FOXRED1: variants seen among roughly 807,000 people sequenced by gnomAD.
FOXRED1 encodes the protein FAD dependent oxidoreductase domain containing 1.
FOXRED1 carries 52 observed loss-of-function variants against 57.8 expected under a neutral mutation model. That is an observed-to-expected ratio of 0.90 (90% CI 0.72 to 1.13). The LOEUF (loss-of-function observed/expected upper bound fraction) is 1.13. Ranked by LOEUF, FOXRED1 falls within the 50% of genes most tolerant of loss-of-function variation. The pLI is 0.00. For missense variants in FOXRED1, 589 were observed against 625.2 expected, an observed-to-expected ratio of 0.94 and a Z score of 0.62; for synonymous variants, 271 against 248.3, an observed-to-expected ratio of 1.09 and a Z score of -0.86.
Position 126,273,825 on chromosome 11 carries a change from T to G in FOXRED1, c.536+371T>G. 1 of 305,826 alleles carries G rather than the reference T, an allele frequency of 3.3e-6. No homozygotes were observed. The allele number at this position is 305,826 out of a possible 1,614,324, so 18.9% of individuals were successfully genotyped here. On this transcript the variant is annotated intron_variant, in intron 4 of 10. Coordinates refer to ENST00000263578, the MANE Select transcript of FOXRED1 (RefSeq NM_017547.4). The surrounding 1 kb of genome is among the most constrained non-coding windows in gnomAD (Gnocchi z 5.9). ...AGATAGTATATATTTTAGGTTTTGC[T>G]GGCCATACAGTCTCTATTCCAACCA...
Position 126,271,962 on chromosome 11 carries a change from C to CT in FOXRED1, c.306+322dup, listed in dbSNP as rs1168226778. 0.064 allele frequency: 19,065 copies of CT among 297,192 alleles called. 12 individuals are homozygous for CT. Among genetic ancestry groups the CT allele is most frequent in the South Asian group, 0.1 (3,612 of 34,978 alleles). 18.4% of individuals were successfully genotyped at this position (297,192 alleles called of 1,614,324 possible). A position where few individuals can be genotyped will look rare whatever the true frequency, so the allele number is the denominator to read the frequency against. On this transcript the variant is annotated intron_variant, in intron 2 of 10. Transcript: ENST00000263578. This position sits in a 1 kb window ranked among gnomAD's most constrained non-coding sequence, Gnocchi z 5.3. ...CTATAATTAAGTGTCTCAATTTTCT[C>CT]TTTTTTTTTTTTTTTTTGAGACAGA...
rs772260644 is a variant in FOXRED1, at chr11:126,273,457, G to T, written c.536+3G>T. 1 of 1,593,534 alleles carries T rather than the reference G, an allele frequency of 6.3e-7. No individual in the cohort carries two copies. The highest frequency in any genetic ancestry group is 8.6e-7 in the Non-Finnish European group (1 of 1,161,494). On this transcript the variant is annotated splice_donor_region_variant and intron_variant, in intron 4 of 10. Coordinates refer to ENST00000263578, the MANE Select transcript of FOXRED1 (RefSeq NM_017547.4). The surrounding 1 kb of genome is among the most constrained non-coding windows in gnomAD (Gnocchi z 5.9). ...GAGAGCAACGTGAAAGTGCAGAGGT[G>T]GGTGCCTGGCACAGCCTCTTAGCTG...
chr11:126,276,885 A>G lies in FOXRED1; in HGVS notation c.1102-186A>G, dbSNP rs554018417. On this transcript the variant is annotated intron_variant, in intron 9 of 10. Coordinates refer to ENST00000263578, the MANE Select transcript of FOXRED1 (RefSeq NM_017547.4). Reference sequence around the variant, plus strand: ...GAGCAAAACTCCATCTCAAAAAAAAAAAAAAGAAAAAGAATCAGCCTTTTT... The same window carrying G: ...GAGCAAAACTCCATCTCAAAAAAAAGAAAAAGAAAAAGAATCAGCCTTTTT... 5.0e-6 allele frequency: 3 copies of G among 598,968 alleles called. No individual in the cohort carries two copies. In the South Asian group the frequency reaches 5.6e-5, roughly 11 times the overall value. The allele number at this position is 598,968 out of a possible 1,614,324, so 37.1% of individuals were successfully genotyped here.
chr11:126,274,970 C>T lies in FOXRED1; in HGVS notation c.580C>T (p.Arg194Trp), dbSNP rs191604046. The T allele has an allele frequency of 1.0e-4, 161 of 1,613,792 alleles. No homozygotes were observed. Among genetic ancestry groups the T allele is most frequent in the Middle Eastern group, 4.9e-4 (3 of 6,062 alleles). ...TTCTCTGATGTCTCCTGATCAGCTT[C>T]GGAACAAGTTTCCCTGGATAAACAC... ...KVSLMSPDQL[R>W]NKFPWINTEG... Residue 194 changes from arginine (R) to tryptophan (W), a missense_variant, in exon 5 of 11, where the codon CGG (arginine) becomes TGG (tryptophan). By Grantham distance (101) the Arg-to-Trp change is moderately radical. Transcript: ENST00000263578. The surrounding 1 kb of genome is among the most constrained non-coding windows in gnomAD (Gnocchi z 4.8).
At position 126,272,716 on chromosome 11, in the gene FOXRED1, TC is replaced by T. The variant is rs1951023071; in HGVS notation, c.307-251del. On this transcript the variant is annotated intron_variant, in intron 2 of 10. Coordinates refer to ENST00000263578, the MANE Select transcript of FOXRED1 (RefSeq NM_017547.4). This position sits in a 1 kb window ranked among gnomAD's most constrained non-coding sequence, Gnocchi z 4.6. ...AACGTTAATCGCCTGCCCTTGGACT[TC>T]CAGGCCATTACCATTTTGTACCACT... The T allele has an allele frequency of 5.2e-6, 3 of 579,550 alleles. No homozygotes were observed. The highest frequency in any genetic ancestry group is 9.3e-6 in the Non-Finnish European group (3 of 323,840). The allele number at this position is 579,550 out of a possible 1,614,324, so 35.9% of individuals were successfully genotyped here. A position where few individuals can be genotyped will look rare whatever the true frequency, so the allele number is the denominator to read the frequency against.
At position 126,271,385 on chromosome 11, in the gene FOXRED1, A is replaced by C; in HGVS notation, c.86-52A>C. 7.2e-7 allele frequency: 1 copy of C among 1,382,560 alleles called. No homozygotes were observed. The highest frequency in any genetic ancestry group is 2.3e-5 in the East Asian group (1 of 43,862). 85.6% of individuals were successfully genotyped at this position (1,382,560 alleles called of 1,614,324 possible). A position where few individuals can be genotyped will look rare whatever the true frequency, so the allele number is the denominator to read the frequency against. ...TCCTGTGCCCATCCTCCAACCCCCCAACCATGTGGGAAGGAAATGTTTGGC... is the reference window on the plus strand; with the variant it reads ...TCCTGTGCCCATCCTCCAACCCCCCCACCATGTGGGAAGGAAATGTTTGGC... On this transcript the variant is annotated intron_variant, in intron 1 of 10. Coordinates refer to ENST00000263578, the MANE Select transcript of FOXRED1 (RefSeq NM_017547.4). The surrounding 1 kb of genome is among the most constrained non-coding windows in gnomAD (Gnocchi z 5.3).
rs2135269828 is a variant in FOXRED1, at chr11:126,277,260, C to T, written c.1206+85C>T. 6 of 1,174,032 alleles carry T rather than the reference C, an allele frequency of 5.1e-6. No individual in the cohort carries two copies. The South Asian group carries it at 6.1e-5, about 12-fold the overall frequency. 72.7% of individuals were successfully genotyped at this position (1,174,032 alleles called of 1,614,324 possible). A position where few individuals can be genotyped will look rare whatever the true frequency, so the allele number is the denominator to read the frequency against. On this transcript the variant is annotated intron_variant, in intron 10 of 10. Transcript: ENST00000263578. The surrounding 1 kb of genome is among the most constrained non-coding windows in gnomAD (Gnocchi z 6.8). ...GTGGAGCACATTGGTCCCCTCGGAC[C>T]CGTGACTGCCGTAGTCCCTCCATGT...
chr11:126,277,406 G>T lies in FOXRED1; in HGVS notation c.1207-29G>T, dbSNP rs1044342317. On this transcript the variant is annotated intron_variant, in intron 10 of 10. Coordinates refer to ENST00000263578, the MANE Select transcript of FOXRED1 (RefSeq NM_017547.4). The surrounding 1 kb of genome is among the most constrained non-coding windows in gnomAD (Gnocchi z 6.8). Reference sequence around the variant, plus strand: ...GATGGAGTGTGGCTACAGCCTTCCCGAGAACCCCAGTGTTTTGTGCACCCG... The same window carrying T: ...GATGGAGTGTGGCTACAGCCTTCCCTAGAACCCCAGTGTTTTGTGCACCCG... 1.2e-6 allele frequency: 2 copies of T among 1,612,414 alleles called. No homozygotes were observed. Among genetic ancestry groups the T allele is most frequent in the Admixed American group, 1.7e-5 (1 of 60,018 alleles).
In FOXRED1 at chr11:126,274,909, C is replaced by G; in HGVS notation, c.537-18C>G. The G allele has an allele frequency of 6.7e-7, 1 of 1,486,230 alleles. No homozygotes were observed. Among genetic ancestry groups the G allele is most frequent in the Non-Finnish European group, 9.4e-7 (1 of 1,063,304 alleles). 92.1% of individuals were successfully genotyped at this position (1,486,230 alleles called of 1,614,324 possible). A position where few individuals can be genotyped will look rare whatever the true frequency, so the allele number is the denominator to read the frequency against. Reference sequence around the variant, plus strand: ...CCCCTCTCTGACACACATACACCGACCCACACGTTTATCTCAGGCAGGAGG... The same window carrying G: ...CCCCTCTCTGACACACATACACCGAGCCACACGTTTATCTCAGGCAGGAGG... On this transcript the variant is annotated intron_variant, in intron 4 of 10. Coordinates refer to ENST00000263578, the MANE Select transcript of FOXRED1 (RefSeq NM_017547.4). The surrounding 1 kb of genome is among the most constrained non-coding windows in gnomAD (Gnocchi z 4.8).
rs1336824565 is a variant in FOXRED1, at chr11:126,269,251, G to T, written c.45G>T (p.Leu15Phe). Residue 15 changes from leucine to phenylalanine, a missense_variant, in exon 1 of 11, where the codon TTG becomes TTT. Coordinates refer to ENST00000263578, the MANE Select transcript of FOXRED1 (RefSeq NM_017547.4). ...VLPHGMGRGL[L>F]TRRPGTRRGG... is the part of the protein sequence containing the mutation. ...CGCACGGCATGGGCCGGGGCCTCTTGACCCGGAGGCCAGGCACGCGCAGAG... is the reference window on the plus strand; with the variant it reads ...CGCACGGCATGGGCCGGGGCCTCTTTACCCGGAGGCCAGGCACGCGCAGAG... 3 of 1,614,206 alleles carry T rather than the reference G, an allele frequency of 1.9e-6. No homozygotes were observed. Among genetic ancestry groups the T allele is most frequent in the Non-Finnish European group, 1.7e-6 (2 of 1,180,038 alleles).
chr11:126,276,932 A>C (rs1951169022), intron 9 of FOXRED1, 139 bp from the exon 10 acceptor site: 2 of 721,118 alleles, frequency 2.8e-6, no homozygotes, highest in Admixed American at 4.0e-5. Flanking sequence ...GTGCTGTGTT[A>C]ATTGATATTA....
Position 126,273,128 on chromosome 11 carries a change from C to A in FOXRED1, c.417+49C>A. 8.6e-7 allele frequency: 1 copy of A among 1,163,242 alleles called. No individual in the cohort carries two copies. Among genetic ancestry groups the A allele is most frequent in the Non-Finnish European group, 1.3e-6 (1 of 767,914 alleles). 72.1% of individuals were successfully genotyped at this position (1,163,242 alleles called of 1,614,324 possible). ...GTTGGGGTGGTTACCCCTCCTTTAG[C>A]CCAGAGTGGGGAGCAGCCCAGCTAG... On this transcript the variant is annotated intron_variant, in intron 3 of 10. Coordinates refer to ENST00000263578, the MANE Select transcript of FOXRED1 (RefSeq NM_017547.4). The surrounding 1 kb of genome is among the most constrained non-coding windows in gnomAD (Gnocchi z 5.9).
chr11:126,274,605 G>A lies in FOXRED1; in HGVS notation c.537-322G>A, dbSNP rs915032299. The A allele has an allele frequency of 4.6e-5, 16 of 349,538 alleles. No homozygotes were observed. In the East Asian group the frequency reaches 5.7e-4, roughly 12 times the overall value. 21.7% of individuals were successfully genotyped at this position (349,538 alleles called of 1,614,324 possible). On this transcript the variant is annotated intron_variant, in intron 4 of 10. Transcript: ENST00000263578. The surrounding 1 kb of genome is among the most constrained non-coding windows in gnomAD (Gnocchi z 4.8). Reference sequence around the variant, plus strand: ...GGAGGTTGCAGTGAGCCAAGATCGCGCCACTGCACTCCAGCCTGGGTGACA... The same window carrying A: ...GGAGGTTGCAGTGAGCCAAGATCGCACCACTGCACTCCAGCCTGGGTGACA...
rs565274985 is a variant in FOXRED1 at position 126,274,658 on chromosome 11, A to G, written c.537-269A>G. On this transcript the variant is annotated intron_variant, in intron 4 of 10. Coordinates refer to ENST00000263578, the MANE Select transcript of FOXRED1 (RefSeq NM_017547.4). The surrounding 1 kb of genome is among the most constrained non-coding windows in gnomAD (Gnocchi z 4.8). ...GCCAGACTCATTGAAAAAAAAAAAA[A>G]GAAGTCATGGAATAGACTGGGATAG... is the stretch of plus-strand genomic sequence containing the variant. 9.1e-6 allele frequency: 4 copies of G among 440,748 alleles called. No individual in the cohort carries two copies. Among genetic ancestry groups the G allele is most frequent in the East Asian group, 9.4e-5 (2 of 21,246 alleles). 27.3% of individuals were successfully genotyped at this position (440,748 alleles called of 1,614,324 possible). A position where few individuals can be genotyped will look rare whatever the true frequency, so the allele number is the denominator to read the frequency against.
At chr11:126,276,876 CAA>C (rs202024738) in intron 9 of FOXRED1, 193 bp from the exon 10 acceptor site, 2,595 of 463,610 alleles carry the variant, frequency 5.6e-3, no homozygotes, top group Middle Eastern at 0.01. Flanking sequence ...AACTCCATCT[CAA>C]AAAAAAAAAA....
chr11:126,271,728 G>A lies in FOXRED1; in HGVS notation c.306+71G>A, dbSNP rs80037786. ...GACTCATTTTATTAAGGACTCTAGC[G>A]ACAAGGGAAGGAGAGGAGGGGAAGA... On this transcript the variant is annotated intron_variant, in intron 2 of 10. Transcript: ENST00000263578. This position sits in a 1 kb window ranked among gnomAD's most constrained non-coding sequence, Gnocchi z 5.3. 2,195 of 1,232,124 alleles carry A rather than the reference G, an allele frequency of 1.8e-3. 19 individuals carry two copies. The African/African-American group carries it at 0.025, about 14-fold the overall frequency. The allele number at this position is 1,232,124 out of a possible 1,614,324, so 76.3% of individuals were successfully genotyped here. A position where few individuals can be genotyped will look rare whatever the true frequency, so the allele number is the denominator to read the frequency against.
rs1210684454 is a variant in FOXRED1, at chr11:126,277,567, G to A, written c.1339G>A (p.Gly447Ser). Residue 447 changes from glycine (G) to serine (S), a missense_variant, in exon 11 of 11, where the codon GGC (glycine) becomes AGC (serine). Coordinates refer to ENST00000263578, the MANE Select transcript of FOXRED1 (RefSeq NM_017547.4). The surrounding 1 kb of genome is among the most constrained non-coding windows in gnomAD (Gnocchi z 6.8). ...FSGHGLQQAP[G>S]IGRAVAEMVL... The stretch of plus-strand genomic sequence containing the variant: ...TGGTCACGGGCTCCAGCAGGCCCCT[G>A]GCATTGGGCGAGCTGTAGCAGAGAT... The A allele has an allele frequency of 3.1e-6, 5 of 1,613,676 alleles. No homozygotes were observed. The South Asian group carries it at 3.3e-5, about 11-fold the overall frequency.
At position 126,274,645 on chromosome 11, in the gene FOXRED1, G is replaced by GAA. The variant is rs60892467; in HGVS notation, c.537-270_537-269dup. 4.3e-4 allele frequency: 153 copies of GAA among 353,598 alleles called. No homozygotes were observed. The highest frequency in any genetic ancestry group is 5.6e-4 in the Non-Finnish European group (104 of 186,250). 21.9% of individuals were successfully genotyped at this position (353,598 alleles called of 1,614,324 possible). On this transcript the variant is annotated intron_variant, in intron 4 of 10. Coordinates refer to ENST00000263578, the MANE Select transcript of FOXRED1 (RefSeq NM_017547.4). This position sits in a 1 kb window ranked among gnomAD's most constrained non-coding sequence, Gnocchi z 4.8. ...CCTGGGTGACAGAGCCAGACTCATTGAAAAAAAAAAAAAGAAGTCATGGAA... is the reference window on the plus strand; with the variant it reads ...CCTGGGTGACAGAGCCAGACTCATTGAAAAAAAAAAAAAAAGAAGTCATGGAA...
intron 8 of FOXRED1, 26 bp downstream of exon 8, chr11:126,276,245 AG>A (rs748899557): frequency 9.2e-7 from 1 of 1,081,444 alleles, no homozygotes; most frequent in South Asian, 2.0e-5. Flanking sequence ...ACAGCTGAGG[AG>A]GTTGGTGAGA....
Sources: allele counts gnomAD v4.1 joint callset, GRCh38; gene constraint gnomAD v4.1.1; non-coding constraint Gnocchi (gnomAD v3.1); transcripts MANE v1.5; gene names NCBI Gene and HGNC (gene_info 2026-07-23, HGNC 2026-07-21).